Variants in SGCZ observed in about 807,000 individuals in gnomAD.
The protein encoded by SGCZ is sarcoglycan zeta, also known as zeta-sarcoglycan.
In SGCZ, 40 loss-of-function variants were observed where a neutral mutation model predicts 41.3. The ratio of observed to expected loss-of-function variants is 0.97; its 90% CI spans 0.75 to 1.26. The LOEUF (loss-of-function observed/expected upper bound fraction) is 1.26, where lower values mean the gene tolerates loss of function less well. Among genes scored for constraint, SGCZ ranks in the 50% most tolerant of loss-of-function variants. The pLI is 0.00. For missense variants in SGCZ, 552 were observed against 369.8 expected (o/e 1.49, Z -4.04); for synonymous variants, 206 against 137.5 (o/e 1.50, Z -3.49).
In SGCZ at chr8:14,349,923, C is replaced by T. The variant is rs1308265171; in HGVS notation, c.235-25719G>A. ...AGGATAATCAAAAGCTCAGGAAAGT[C>T]GTGTAGCTTTAAAAAATGTTTAACT... On this transcript the variant is annotated intron_variant, in intron 2 of 7. Coordinates refer to ENST00000382080, the MANE Select transcript of SGCZ (RefSeq NM_139167.4). Among the ~76,000 whole-genome samples, 6 of 152,004 alleles carry T rather than the reference C, an allele frequency of 3.9e-5. No homozygotes were observed. The South Asian group carries it at 8.3e-4, about 21-fold the overall frequency.
chr8:14,254,627 T>A (rs1194325176), intron 3 of SGCZ, among the ~76,000 whole-genome samples: 1 of 152,356 alleles, frequency 6.6e-6, no homozygotes, highest in East Asian at 1.9e-4. Flanking sequence ...TGATATCTGA[T>A]TTACATTAAG....
chr8:14,727,171 C>G (rs1206790244), intron 1 of SGCZ, among the ~76,000 whole-genome samples: 3 of 152,044 alleles, frequency 2.0e-5, no homozygotes, highest in Non-Finnish European at 2.9e-5. Context: ...AATACCTGAA[C>G]AAACACTTCA....
At chr8:14,176,825 G>T (rs1804557077) in intron 4 of SGCZ, among the ~76,000 whole-genome samples, 2 of 152,112 alleles carry the variant, frequency 1.3e-5, no homozygotes, top group South Asian at 4.1e-4. Flanking sequence ...TAGACAAAGA[G>T]CCAGAAAATT....
intron 1 of SGCZ, among the ~76,000 whole-genome samples, chr8:14,873,286 T>A (rs964044763): frequency 6.6e-6 from 1 of 152,128 alleles, no homozygotes; most frequent in East Asian, 1.9e-4. Flanking sequence ...AGAGCATAGA[T>A]GAGTTATTCA....
At chr8:14,951,092 G>C (rs1316220705) in intron 1 of SGCZ, among the ~76,000 whole-genome samples, 1 of 151,954 alleles carries the variant, frequency 6.6e-6, no homozygotes, top group Non-Finnish European at 1.5e-5. Context: ...GGTTGTTATT[G>C]TGTTTGGGAG....
At chr8:14,738,604 T>A (rs1799114743) in intron 1 of SGCZ, among the ~76,000 whole-genome samples, 2 of 152,054 alleles carry the variant, frequency 1.3e-5, no homozygotes, top group African/African-American at 2.4e-5. Context: ...TCCTCTGACA[T>A]CTCTTATGGT....
chr8:14,393,368 T>G (rs7814677), intron 2 of SGCZ, among the ~76,000 whole-genome samples: 25,658 of 152,016 alleles, frequency 0.17, 5,104 homozygotes, highest in African/African-American at 0.48. Flanking sequence ...GGACTAGACA[T>G]GTTCAAGATG....
intron 2 of SGCZ, among the ~76,000 whole-genome samples, chr8:14,360,933 C>T (rs539622184): frequency 1.5e-4 from 23 of 152,162 alleles, no homozygotes; most frequent in African/African-American, 4.1e-4. Flanking sequence ...CTAGTTTTTC[C>T]GCAAGCTCAG....
chr8:15,116,370 C>T (rs187281100), intron 1 of SGCZ, among the ~76,000 whole-genome samples: 273 of 152,232 alleles, frequency 1.8e-3, no homozygotes, highest in African/African-American at 5.8e-3. Context: ...TCCAATGAAA[C>T]CTACAGATAA....
At chr8:14,314,513 C>G (rs543865478) in intron 3 of SGCZ, among the ~76,000 whole-genome samples, 23 of 152,150 alleles carry the variant, frequency 1.5e-4, no homozygotes, top group African/African-American at 5.5e-4. Context: ...TTTGAGGCAA[C>G]TGAATTGCCA....
intron 1 of SGCZ, among the ~76,000 whole-genome samples, chr8:15,206,634 A>C (rs1169835379): frequency 6.6e-6 from 1 of 152,004 alleles, no homozygotes; most frequent in African/African-American, 2.4e-5. Context: ...TTTTCAGTAG[A>C]GACGGTGTTT....
At chr8:14,985,456 G>A (rs895268054) in intron 1 of SGCZ, among the ~76,000 whole-genome samples, 3 of 152,138 alleles carry the variant, frequency 2.0e-5, no homozygotes, top group African/African-American at 4.8e-5. Context: ...TTTCCACTAA[G>A]AGGCAGAGCA....
chr8:15,079,795 A>G (rs1805673466), intron 1 of SGCZ, among the ~76,000 whole-genome samples: 1 of 152,184 alleles, frequency 6.6e-6, no homozygotes, highest in Admixed American at 6.5e-5. Context: ...ATATTGTGTG[A>G]CACTGAGGTT....
intron 4 of SGCZ, among the ~76,000 whole-genome samples, chr8:14,181,846 C>A (rs944362000): frequency 1.3e-5 from 2 of 152,274 alleles, no homozygotes; most frequent in African/African-American, 2.4e-5. Flanking sequence ...TTCTTAGCAG[C>A]CTGAGAACAG....
rs968339290 is a variant in SGCZ at position 14,277,355 on chromosome 8, C to G, written c.337-39676G>C. Among the ~76,000 whole-genome samples the G allele has an allele frequency of 5.6e-5, 8 of 142,202 alleles. No individual in the cohort carries two copies. In the Admixed American group the frequency reaches 5.7e-4, roughly 10 times the overall value. 93.3% of individuals were successfully genotyped at this position (142,202 alleles called of 152,430 possible). On this transcript the variant is annotated intron_variant, in intron 3 of 7. Transcript: ENST00000382080. The stretch of plus-strand genomic sequence containing the variant: ...TCCCCTTTACATAGTATGCCTTCCT[C>G]TTTATCTGGTGAACTTCAAATGCCA...
intron 7 of SGCZ, among the ~76,000 whole-genome samples, chr8:14,093,379 C>A (rs185035884): frequency 6.6e-6 from 1 of 152,088 alleles, no homozygotes; most frequent in East Asian, 1.9e-4. Flanking sequence ...TGTCATCCCC[C>A]ACACTTCAAT....
chr8:14,118,473 A>G (rs1374067783), intron 5 of SGCZ, among the ~76,000 whole-genome samples: 1 of 152,156 alleles, frequency 6.6e-6, no homozygotes, highest in Non-Finnish European at 1.5e-5. Context: ...CCTTTGTCAG[A>G]TAAAGAGATT....
intron 7 of SGCZ, among the ~76,000 whole-genome samples, chr8:14,094,193 G>A (rs773358211): frequency 6.6e-6 from 1 of 152,006 alleles, no homozygotes; most frequent in Non-Finnish European, 1.5e-5. Flanking sequence ...TGCAGAATAT[G>A]CAGGTTTGTT....
chr8:15,212,055 G>A (rs1398389065), intron 1 of SGCZ, among the ~76,000 whole-genome samples: 1 of 151,942 alleles, frequency 6.6e-6, no homozygotes, highest in Non-Finnish European at 1.5e-5. Flanking sequence ...TCAGACGTTC[G>A]TGAATAGAAA....
Sources: gnomAD v4.1 joint callset for allele counts (sites outside exome capture counted in the v4.1 genomes callset) on GRCh38, gnomAD v4.1.1 for gene constraint, MANE v1.5 for transcripts, NCBI Gene and HGNC (gene_info 2026-07-23, HGNC 2026-07-21) for gene names.